PTPRE: variants seen among roughly 807,000 people sequenced by gnomAD.
PTPRE encodes receptor-type tyrosine-protein phosphatase epsilon.
Under a neutral mutation model 102.0 loss-of-function variants are expected in PTPRE, and 51 were observed. The observed-to-expected ratio is 0.50, with a 90% CI of 0.40 to 0.63. PTPRE has a LOEUF of 0.63. Ranked by LOEUF, PTPRE falls within the 30% of genes least tolerant of loss-of-function variation. PTPRE has a pLI of 0.00. For missense variants in PTPRE, 752 were observed against 915.1 expected (o/e 0.82, Z 2.30); for synonymous variants, 345 against 348.2 (o/e 0.99, Z 0.10).
At chr10:128,068,416 A>G (rs896022553) in intron 12 of PTPRE, 130 bp downstream of exon 12, 1 of 1,050,394 alleles carries the variant, frequency 9.5e-7, no homozygotes, top group African/African-American at 1.6e-5. Context: ...TGTGAACACA[A>G]ATGTCAGTGA....
chr10:128,018,519 T>C (rs1845614423), intron 2 of PTPRE, among the ~76,000 whole-genome samples: 1 of 152,230 alleles, frequency 6.6e-6, no homozygotes, highest in African/African-American at 2.4e-5. Flanking sequence ...ACGATGCAGA[T>C]GTTTCCTGCT....
At chr10:128,049,812 C>A in intron 6 of PTPRE, 146 bp downstream of exon 6, 1 of 1,195,296 alleles carries the variant, frequency 8.4e-7, no homozygotes. Context: ...GTGAGGAAAC[C>A]TGGTGTGTGG....
Position 127,909,432 on chromosome 10 carries a change from G to C in PTPRE, c.-31+2123G>C, listed in dbSNP as rs1056725662. On this transcript the variant is annotated intron_variant, in intron 1 of 20. Transcript: ENST00000254667. ...CCATTAGCCTAGTCTAAGGTGCACC[G>C]CTGATCAATATTCCCTCCCTGAAGG... 3.9e-5 allele frequency among the ~76,000 whole-genome samples: 6 copies of C among 152,236 alleles called. No homozygotes were observed. The South Asian group carries it at 1.2e-3, about 32-fold the overall frequency.
At position 128,017,334 on chromosome 10, in the gene PTPRE, C is replaced by T. The variant is rs138261095; in HGVS notation, c.-7-23541C>T. On this transcript the variant is annotated intron_variant, in intron 2 of 20. Coordinates refer to ENST00000254667, the MANE Select transcript of PTPRE (RefSeq NM_006504.6). ...GAAATTGGAGGTAAGAGGCCTGGCA[C>T]GCTTGCTGGATGGGCCAGTGTGCAC... Among the ~76,000 whole-genome samples the T allele has an allele frequency of 4.9e-3, 741 of 152,240 alleles. 5 individuals are homozygous for T. The highest frequency in any genetic ancestry group is 0.015 in the African/African-American group (616 of 41,530).
intron 15 of PTPRE, 31 bp from the exon 16 acceptor site, chr10:128,072,107 G>T (rs1434022993): frequency 1.3e-6 from 2 of 1,596,458 alleles, no homozygotes; most frequent in Non-Finnish European, 1.7e-6. Flanking sequence ...GACCCTTTTT[G>T]TAATAACTAA....
chr10:127,959,298 C>T (rs2135381052), intron 1 of PTPRE, among the ~76,000 whole-genome samples: 1 of 152,326 alleles, frequency 6.6e-6, no homozygotes, highest in South Asian at 2.1e-4. Flanking sequence ...TAAAAGCTTA[C>T]CCAGTTCATG....
In PTPRE at chr10:128,056,168, AAAG is replaced by A. The variant is rs754113546; in HGVS notation, c.472_474del (p.Glu158del). The stretch of plus-strand genomic sequence containing the variant: ...ACAAGGAACTTTTGAACTGGCAAAT[AAAG>A]AAGAAAACAGAGAAAAAAACAGATA... On this transcript the variant is annotated inframe_deletion, in exon 7 of 21. Transcript: ENST00000254667. 1 of 1,613,160 alleles carries A rather than the reference AAAG, an allele frequency of 6.2e-7. No individual in the cohort carries two copies. The highest frequency in any genetic ancestry group is 1.7e-5 in the Admixed American group (1 of 60,034).
At chr10:127,992,121 G>A (rs1362373269) in intron 2 of PTPRE, among the ~76,000 whole-genome samples, 1 of 152,154 alleles carries the variant, frequency 6.6e-6, no homozygotes, top group Non-Finnish European at 1.5e-5. Context: ...AGCTAGCAAG[G>A]AGGTGGCAGG....
intron 2 of PTPRE, among the ~76,000 whole-genome samples, chr10:127,993,146 A>G (rs1308940210): frequency 6.6e-6 from 1 of 152,198 alleles, no homozygotes; most frequent in Non-Finnish European, 1.5e-5. Flanking sequence ...ACAGAGAACT[A>G]CATCAGGGGT....
intron 2 of PTPRE, among the ~76,000 whole-genome samples, chr10:128,017,895 C>T (rs994466305): frequency 6.6e-6 from 1 of 152,224 alleles, no homozygotes. Context: ...TTCCACAAAA[C>T]GACCTTCTCG....
At chr10:127,968,924 T>C (rs146575504) in intron 1 of PTPRE, among the ~76,000 whole-genome samples, 1 of 152,244 alleles carries the variant, frequency 6.6e-6, no homozygotes, top group African/African-American at 2.4e-5. Flanking sequence ...GCTTATATTG[T>C]TCTAGTCTGA....
intron 3 of PTPRE, among the ~76,000 whole-genome samples, chr10:128,046,903 G>T (rs1848136850): frequency 6.6e-6 from 1 of 152,220 alleles, no homozygotes; most frequent in Admixed American, 6.5e-5. Context: ...GCTCTGAAAG[G>T]TGGGGTCACA....
chr10:128,067,516 GCA>G lies in PTPRE; in HGVS notation c.844-602_844-601del, dbSNP rs545760169. Reference sequence around the variant, plus strand: ...CACACATTCACCCACACATACATGCGCACACATGCACACATACACATGCATAC... The same window carrying G: ...CACACATTCACCCACACATACATGCGCACATGCACACATACACATGCATAC... On this transcript the variant is annotated intron_variant, in intron 11 of 20. Coordinates refer to ENST00000254667, the MANE Select transcript of PTPRE (RefSeq NM_006504.6). 2.6e-3 allele frequency among the ~76,000 whole-genome samples: 390 copies of G among 150,174 alleles called. 2 individuals carry two copies. Among genetic ancestry groups the G allele is most frequent in the African/African-American group, 8.8e-3 (361 of 40,850 alleles).
chr10:127,959,693 C>T (rs973440356), intron 1 of PTPRE, among the ~76,000 whole-genome samples: 11 of 152,214 alleles, frequency 7.2e-5, no homozygotes, highest in Admixed American at 5.9e-4. Flanking sequence ...GAGGGCACAA[C>T]TGTGGAGTCA....
chr10:127,997,994 C>T (rs1853446715), intron 2 of PTPRE: 1 of 152,184 alleles, frequency 6.6e-6, no homozygotes, highest in Non-Finnish European at 1.5e-5. Context: ...TAGCCAGTAC[C>T]ATGTGAAACA....
intron 2 of PTPRE, among the ~76,000 whole-genome samples, chr10:128,030,308 G>A (rs544978081): frequency 5.4e-4 from 82 of 152,284 alleles, no homozygotes; most frequent in Non-Finnish European, 9.4e-4. Context: ...TTATGATTTC[G>A]TGGGATTCTC....
rs186616219 is a variant in PTPRE at position 128,023,262 on chromosome 10, A to G, written c.-7-17613A>G. Among the ~76,000 whole-genome samples, 367 of 152,268 alleles carry G rather than the reference A, an allele frequency of 2.4e-3. 3 individuals carry two copies. The highest frequency in any genetic ancestry group is 8.4e-3 in the African/African-American group (350 of 41,534). On this transcript the variant is annotated intron_variant, in intron 2 of 20. Transcript: ENST00000254667. ...GTATAGGAAAAAGCATAGTATATAT[A>G]CATTATATAGGAAAAAGGATAGTAT...
Position 127,925,174 on chromosome 10 carries a change from G to T in PTPRE, c.-31+17865G>T, listed in dbSNP as rs192113708. 2.8e-3 allele frequency among the ~76,000 whole-genome samples: 431 copies of T among 152,340 alleles called. 4 individuals carry two copies. Among genetic ancestry groups the T allele is most frequent in the African/African-American group, 9.9e-3 (410 of 41,576 alleles). ...GGAGGCCTTCAGTCCTTGCCAGATGGACCTATCCACAGGACTATGTGTCCT... is the reference window on the plus strand; with the variant it reads ...GGAGGCCTTCAGTCCTTGCCAGATGTACCTATCCACAGGACTATGTGTCCT... On this transcript the variant is annotated intron_variant, in intron 1 of 20. Transcript: ENST00000254667.
At chr10:127,928,228 C>T (rs1271951064) in intron 1 of PTPRE, among the ~76,000 whole-genome samples, 5 of 152,186 alleles carry the variant, frequency 3.3e-5, no homozygotes, top group East Asian at 3.8e-4. Context: ...AGCATCCAAA[C>T]GGACTTTAAA....
Sources: allele counts gnomAD v4.1 joint callset (sites outside exome capture counted in the v4.1 genomes callset), GRCh38; gene constraint gnomAD v4.1.1; transcripts MANE v1.5; gene names NCBI Gene and HGNC (gene_info 2026-07-23, HGNC 2026-07-21).